Variants in GPR4 observed in about 807,000 individuals in gnomAD.
GPR4 encodes G-prodeshotein coupled receptor 4.
GPR4 carries 11 observed loss-of-function variants against 17.8 expected under a neutral mutation model. The ratio of observed to expected loss-of-function variants is 0.62; its 90% confidence interval spans 0.39 to 1.02. The LOEUF is 1.02. Among genes scored for constraint, GPR4 ranks in the 50% least tolerant of loss-of-function variants. The probability of loss-of-function intolerance (pLI) is 0.00; values close to 1 mark genes in which losing one functional copy is unlikely to be tolerated. For synonymous variants in GPR4, 219 were observed against 222.8 expected, an observed-to-expected ratio of 0.98 and a Z score of 0.15; for missense variants, 364 against 495.4, an observed-to-expected ratio of 0.73 and a Z score of 2.52.
intron 1 of GPR4, among the ~76,000 whole-genome samples, chr19:45,599,215 C>A (rs1970088162): frequency 6.6e-6 from 1 of 152,074 alleles, no homozygotes; most frequent in Non-Finnish European, 1.5e-5. Flanking sequence ...CTGGCCCCCC[C>A]AACTTTAGCA....
intron 1 of GPR4, among the ~76,000 whole-genome samples, chr19:45,595,730 C>G (rs1301833965): frequency 7.7e-6 from 1 of 130,090 alleles, no homozygotes; most frequent in Admixed American, 7.9e-5. Context: ...GGACGTGAAA[C>G]CTGGCTTTTT....
At position 45,592,464 on chromosome 19, in the gene GPR4, G is replaced by C. The variant is rs148270784; in HGVS notation, c.-598C>G. 1 of 167,432 alleles carries C rather than the reference G, an allele frequency of 6.0e-6. No individual in the cohort carries two copies. Among genetic ancestry groups the C allele is most frequent in the African/African-American group, 2.4e-5 (1 of 41,540 alleles). The allele number at this position is 167,432 out of a possible 1,614,324, so 10.4% of individuals were successfully genotyped here. A position where few individuals can be genotyped will look rare whatever the true frequency, so the allele number is the denominator to read the frequency against. ...AGAGATAAGTAAGGTCACCAGTAAGGAGAAGGTTCTGGAAAAGGAGGTGTC... is the reference window on the plus strand; with the variant it reads ...AGAGATAAGTAAGGTCACCAGTAAGCAGAAGGTTCTGGAAAAGGAGGTGTC... On this transcript the variant is annotated 5_prime_UTR_variant, in exon 2 of 2. Transcript: ENST00000323040.
At chr19:45,596,713 C>T (rs1224520252) in intron 1 of GPR4, among the ~76,000 whole-genome samples, 2 of 151,858 alleles carry the variant, frequency 1.3e-5, no homozygotes, top group Non-Finnish European at 2.9e-5. Context: ...CCTGGCTAAT[C>T]GTTCTATTTT....
At position 45,597,917 on chromosome 19, in the gene GPR4, C is replaced by T. The variant is rs1201421803; in HGVS notation, c.-832+4178G>A. Among the ~76,000 whole-genome samples, 3 of 152,164 alleles carry T rather than the reference C, an allele frequency of 2.0e-5. No individual in the cohort carries two copies. In the East Asian group the frequency reaches 5.8e-4, roughly 29 times the overall value. On this transcript the variant is annotated intron_variant, in intron 1 of 1. Coordinates refer to ENST00000323040, the MANE Select transcript of GPR4 (RefSeq NM_005282.3). ...GGGTCCTCAGCGGCAGAGCTGCCTC[C>T]CCCACCCCAGACTCTTGGGCAGAAG... is the stretch of plus-strand genomic sequence containing the variant.
Position 45,600,313 on chromosome 19 carries a change from C to G in GPR4, c.-832+1782G>C, listed in dbSNP as rs575003226. 3.4e-3 allele frequency among the ~76,000 whole-genome samples: 525 copies of G among 152,236 alleles called. 3 individuals are homozygous for G. Among genetic ancestry groups the G allele is most frequent in the African/African-American group, 0.012 (494 of 41,526 alleles). On this transcript the variant is annotated intron_variant, in intron 1 of 1. Coordinates refer to ENST00000323040, the MANE Select transcript of GPR4 (RefSeq NM_005282.3). ...CAAACCAAATTATAGGCCCTGTCCCCGAGGGAACGGTGGGCTCCAGGCGGA... is the reference window on the plus strand; with the variant it reads ...CAAACCAAATTATAGGCCCTGTCCCGGAGGGAACGGTGGGCTCCAGGCGGA...
rs1264268252 is a variant in GPR4 at position 45,590,502 on chromosome 19, T to A, written c.*276A>T. On this transcript the variant is annotated 3_prime_UTR_variant, in exon 2 of 2. Transcript: ENST00000323040. ...CTGCAGTGAGCCACGACTGCACTAC[T>A]GCACTCCAGCCTGGGCAACACAGTG... 3 of 384,812 alleles carry A rather than the reference T, an allele frequency of 7.8e-6. No homozygotes were observed. Among genetic ancestry groups the A allele is most frequent in the African/African-American group, 6.2e-5 (3 of 48,594 alleles). 23.8% of individuals were successfully genotyped at this position (384,812 alleles called of 1,614,324 possible).
intron 1 of GPR4, among the ~76,000 whole-genome samples, chr19:45,600,341 G>T (rs1406262942): frequency 6.6e-6 from 1 of 152,108 alleles, no homozygotes; most frequent in East Asian, 1.9e-4. Context: ...CAGGCGGAGG[G>T]TCAGGAGACT....
intron 1 of GPR4, among the ~76,000 whole-genome samples, chr19:45,596,571 T>G (rs950791061): frequency 6.6e-6 from 1 of 152,104 alleles, no homozygotes; most frequent in Non-Finnish European, 1.5e-5. Flanking sequence ...TCTTTCTTTT[T>G]TTTGAGACAG....
chr19:45,601,591 C>CA (rs1568419378), intron 1 of GPR4, among the ~76,000 whole-genome samples: 1 of 152,054 alleles, frequency 6.6e-6, no homozygotes, highest in Non-Finnish European at 1.5e-5. Flanking sequence ...GGAGAGAAGA[C>CA]AGAGCTGAAG....
intron 1 of GPR4, among the ~76,000 whole-genome samples, chr19:45,594,881 G>A (rs1407527710): frequency 1.3e-5 from 2 of 152,110 alleles, no homozygotes; most frequent in Non-Finnish European, 1.5e-5. Flanking sequence ...TACTCGGGAT[G>A]CTGAGGCGAG....
chr19:45,590,567 C>A lies in GPR4; in HGVS notation c.*211G>T. Reference sequence around the variant, plus strand: ...AAAAAATATATTTACTCATCTCCTCCTTCAGGAGGCCCTCCACAATCGCCA... The same window carrying A: ...AAAAAATATATTTACTCATCTCCTCATTCAGGAGGCCCTCCACAATCGCCA... On this transcript the variant is annotated 3_prime_UTR_variant, in exon 2 of 2. Coordinates refer to ENST00000323040, the MANE Select transcript of GPR4 (RefSeq NM_005282.3). The A allele has an allele frequency of 1.9e-6, 1 of 540,346 alleles. No homozygotes were observed. The highest frequency in any genetic ancestry group is 3.2e-6 in the Non-Finnish European group (1 of 314,492). 33.5% of individuals were successfully genotyped at this position (540,346 alleles called of 1,614,324 possible).
chr19:45,591,366 G>T lies in GPR4; in HGVS notation c.501C>A (p.Phe167Leu). The stretch of plus-strand genomic sequence containing the variant: ...CTTCCATGGGGAACTTCTCAAAGCA[G>T]AAGGTGTGGTTGTAGCGGTCTCGGA... ...ELFRDRYNHTFCFEKFPMEGW... is the reference protein window; with the variant it reads ...ELFRDRYNHTLCFEKFPMEGW... Residue 167 changes from phenylalanine (F) to leucine (L), a missense_variant, in exon 2 of 2, where the codon TTC becomes TTA. Physicochemically the swap from Phe to Leu is conservative, Grantham distance 22. This residue lies in a region of GPR4 where 271 missense variants were observed against 373.1 expected (regional missense o/e 0.73). Transcript: ENST00000323040. This position sits in a 1 kb window ranked among gnomAD's most constrained non-coding sequence, Gnocchi z 7.6. 1 of 1,613,554 alleles carries T rather than the reference G, an allele frequency of 6.2e-7. No homozygotes were observed. The highest frequency in any genetic ancestry group is 8.5e-7 in the Non-Finnish European group (1 of 1,179,948).
At chr19:45,594,061 AAAATATATATATATATATAT>A (rs1484726236) in intron 1 of GPR4, among the ~76,000 whole-genome samples, 1 of 40,128 alleles carries the variant, frequency 2.5e-5, no homozygotes, top group Non-Finnish European at 3.9e-5. Flanking sequence ...AAAAAAAAAA[AAAATATATATATATATATAT>A]ATATATATAT....
intron 1 of GPR4, among the ~76,000 whole-genome samples, chr19:45,598,257 G>C (rs927277284): frequency 3.9e-5 from 6 of 152,076 alleles, no homozygotes; most frequent in Middle Eastern, 3.2e-3. Context: ...GTAACATGCA[G>C]TATTTGAACG....
At chr19:45,601,458 G>A (rs1970111258) in intron 1 of GPR4, among the ~76,000 whole-genome samples, 2 of 152,118 alleles carry the variant, frequency 1.3e-5, no homozygotes, top group African/African-American at 2.4e-5. Flanking sequence ...CGTGAAGGGG[G>A]CGCTGGGATC....
chr19:45,592,012 G>A lies in GPR4; in HGVS notation c.-146C>T. On this transcript the variant is annotated 5_prime_UTR_variant, in exon 2 of 2. Transcript: ENST00000323040. ...GATGTGGTCTACAGGGAAGAGATGA[G>A]GTTGGGTAGGCTGGGCTGGGCTGGG... The A allele has an allele frequency of 3.6e-6, 3 of 832,798 alleles. No individual in the cohort carries two copies. The highest frequency in any genetic ancestry group is 6.0e-5 in the East Asian group (2 of 33,388). The allele number at this position is 832,798 out of a possible 1,614,324, so 51.6% of individuals were successfully genotyped here. A position where few individuals can be genotyped will look rare whatever the true frequency, so the allele number is the denominator to read the frequency against.
At chr19:45,598,532 C>T (rs547327179) in intron 1 of GPR4, among the ~76,000 whole-genome samples, 2 of 152,272 alleles carry the variant, frequency 1.3e-5, no homozygotes, top group South Asian at 4.1e-4. Context: ...CCCCAACCTG[C>T]TGGCATCTTG....
intron 1 of GPR4, among the ~76,000 whole-genome samples, chr19:45,593,671 G>A (rs1006953548): frequency 2.0e-5 from 3 of 152,026 alleles, no homozygotes; most frequent in Non-Finnish European, 4.4e-5. Flanking sequence ...ACTCTATCAT[G>A]TCACAGACAG....
intron 1 of GPR4, chr19:45,599,757 A>C (rs960236339): frequency 6.6e-6 from 1 of 152,158 alleles, no homozygotes; most frequent in Non-Finnish European, 1.5e-5. Flanking sequence ...CTATTATAAC[A>C]TTCTAGAGCG....
Sources: gnomAD v4.1 joint callset for allele counts (sites outside exome capture counted in the v4.1 genomes callset) on GRCh38, gnomAD v4.1.1 for gene constraint, gnomAD v4.1.1 regional missense constraint, Gnocchi (gnomAD v3.1) non-coding constraint, MANE v1.5 for transcripts, NCBI Gene and HGNC (gene_info 2026-07-23, HGNC 2026-07-21) for gene names.